Variants in LIMCH1 observed in about 807,000 individuals in gnomAD.
LIMCH1 encodes the protein LIM and calponin homology domains 1, also known as LIM and calponin homology domains-containing protein 1.
In LIMCH1, 113 loss-of-function variants were observed where a neutral mutation model predicts 176.5. That is an observed-to-expected ratio of 0.64 (90% confidence interval 0.55 to 0.75). The LOEUF (loss-of-function observed/expected upper bound fraction) is 0.75. LIMCH1 is among the 30% of genes least tolerant of loss of function. The pLI is 0.00. For synonymous variants in LIMCH1, 619 were observed against 645.9 expected (o/e 0.96, Z 0.63); for missense variants, 1,674 against 1,814.9 (o/e 0.92, Z 1.41).
intron 15 of LIMCH1, among the ~76,000 whole-genome samples, chr4:41,645,025 T>C (rs933948269): frequency 7.9e-5 from 12 of 152,278 alleles, no homozygotes; most frequent in African/African-American, 2.9e-4. Flanking sequence ...GTACTTTGCA[T>C]GCATTCATTT....
chr4:41,586,719 T>C (rs2086544291), intron 1 of LIMCH1, among the ~76,000 whole-genome samples: 1 of 152,156 alleles, frequency 6.6e-6, no homozygotes, highest in African/African-American at 2.4e-5. Flanking sequence ...CAGTAATTTT[T>C]TGGAGGGATA....
At chr4:41,432,819 C>G (rs2061717759) in intron 1 of LIMCH1, among the ~76,000 whole-genome samples, 1 of 152,160 alleles carries the variant, frequency 6.6e-6, no homozygotes, top group Admixed American at 6.6e-5. Flanking sequence ...TTAAAAAGAT[C>G]AAGTTCCAAG....
At chr4:41,593,778 A>G (rs561390059) in intron 1 of LIMCH1, among the ~76,000 whole-genome samples, 1 of 152,362 alleles carries the variant, frequency 6.6e-6, no homozygotes, top group East Asian at 1.9e-4. Context: ...TTATTTTAAC[A>G]GAGACCACCA....
chr4:41,613,013 T>C (rs2091630563), intron 4 of LIMCH1: 1 of 1,551,838 alleles, frequency 6.4e-7, no homozygotes, highest in Admixed American at 2.0e-5. Context: ...CCAGATAGTA[T>C]AAACAGGAGC....
At chr4:41,582,928 A>T (rs1262817190) in intron 1 of LIMCH1, among the ~76,000 whole-genome samples, 1 of 152,138 alleles carries the variant, frequency 6.6e-6, no homozygotes, top group Admixed American at 6.5e-5. Context: ...AACTTTACTG[A>T]ACTTTATTTT....
intron 31 of LIMCH1, 28 bp from the exon 32 acceptor site, chr4:41,697,130 CTT>C: frequency 6.2e-7 from 1 of 1,612,768 alleles, no homozygotes; most frequent in Admixed American, 1.7e-5. Flanking sequence ...GCCTACCACT[CTT>C]GTTTGTTGTT....
At chr4:41,434,479 C>T (rs1448185066) in intron 1 of LIMCH1, among the ~76,000 whole-genome samples, 1 of 152,170 alleles carries the variant, frequency 6.6e-6, no homozygotes, top group African/African-American at 2.4e-5. Context: ...ATAATGGAGA[C>T]ACTCTTCCCT....
chr4:41,635,088 A>G (rs932991070), intron 13 of LIMCH1, among the ~76,000 whole-genome samples: 3 of 152,174 alleles, frequency 2.0e-5, no homozygotes, highest in African/African-American at 7.2e-5. Context: ...GCAGTTAGGA[A>G]ACTGAGGTCC....
At chr4:41,667,802 G>C (rs2094880952) in intron 21 of LIMCH1, among the ~76,000 whole-genome samples, 1 of 151,996 alleles carries the variant, frequency 6.6e-6, no homozygotes, top group South Asian at 2.1e-4. Flanking sequence ...AAAACAACTA[G>C]ACCGCTGAGT....
chr4:41,494,454 T>C (rs940581238), intron 1 of LIMCH1: 32 of 922,022 alleles, frequency 3.5e-5, no homozygotes, highest in East Asian at 3.2e-4. Context: ...TACACACACA[T>C]ACACACACAC....
At chr4:41,571,793 T>G (rs2152614538) in intron 1 of LIMCH1, among the ~76,000 whole-genome samples, 1 of 152,268 alleles carries the variant, frequency 6.6e-6, no homozygotes, top group Middle Eastern at 3.4e-3. Flanking sequence ...GTGTGGTGCC[T>G]GGCCTCAAAG....
chr4:41,418,666 C>T (rs2060154640), intron 1 of LIMCH1: 1 of 152,208 alleles, frequency 6.6e-6, no homozygotes, highest in African/African-American at 2.4e-5. Flanking sequence ...AGAACTTTCT[C>T]ACACTCACTG....
At chr4:41,668,659 A>T (rs768335175) in intron 21 of LIMCH1, among the ~76,000 whole-genome samples, 1 of 152,240 alleles carries the variant, frequency 6.6e-6, no homozygotes, top group Non-Finnish European at 1.5e-5. Flanking sequence ...ATTCTTTAAG[A>T]TAGAATTGTA....
intron 1 of LIMCH1, among the ~76,000 whole-genome samples, chr4:41,405,435 G>A (rs1189006466): frequency 6.6e-6 from 1 of 152,126 alleles, no homozygotes; most frequent in Non-Finnish European, 1.5e-5. Context: ...ACATAGTGGG[G>A]TCCTTGAGTG....
chr4:41,535,993 GACATT>G (rs1314919327), upstream of LIMCH1, among the ~76,000 whole-genome samples: 2 of 152,036 alleles, frequency 1.3e-5, no homozygotes, highest in African/African-American at 4.8e-5. Context: ...CAGAATTTGT[GACATT>G]ACATCAGTTC....
intron 18 of LIMCH1, among the ~76,000 whole-genome samples, chr4:41,660,079 T>C (rs1278584706): frequency 6.6e-6 from 1 of 152,126 alleles, no homozygotes; most frequent in Non-Finnish European, 1.5e-5. Context: ...ACTATCTTTT[T>C]TTCTATATGT....
At chr4:41,379,621 A>G (rs1332436473) in intron 1 of LIMCH1, among the ~76,000 whole-genome samples, 2 of 152,184 alleles carry the variant, frequency 1.3e-5, no homozygotes, top group Admixed American at 1.3e-4. Context: ...CACGATCAAT[A>G]TGTAATTTTA....
chr4:41,430,012 AAC>A (rs1417826731), intron 1 of LIMCH1, among the ~76,000 whole-genome samples: 3 of 152,208 alleles, frequency 2.0e-5, no homozygotes, highest in African/African-American at 7.2e-5. Context: ...TGGGCAGGGA[AAC>A]ACAATCCTAT....
At chr4:41,647,926 A>G (rs4861000) in intron 17 of LIMCH1, among the ~76,000 whole-genome samples, 61,482 of 152,118 alleles carry the variant, frequency 0.4, 12,647 homozygotes, top group South Asian at 0.44. Flanking sequence ...TGTCTCTGTC[A>G]TTCATGGCTT....
Sources: gnomAD v4.1 joint callset for allele counts (sites outside exome capture counted in the v4.1 genomes callset) on GRCh38, gnomAD v4.1.1 for gene constraint, MANE v1.5 for transcripts, NCBI Gene and HGNC (gene_info 2026-07-23, HGNC 2026-07-21) for gene names.